CNTN1: variants seen among roughly 807,000 people sequenced by gnomAD.
CNTN1 encodes contactin-1.
CNTN1 carries 38 observed loss-of-function variants against 126.4 expected under a neutral mutation model. That is an observed-to-expected ratio of 0.30 (90% confidence interval 0.23 to 0.39). The LOEUF is 0.39. CNTN1 is among the 10% of genes least tolerant of loss of function. The pLI is 1.00. For synonymous variants in CNTN1, 413 were observed against 422.6 expected, an observed-to-expected ratio of 0.98 and a Z score of 0.28; for missense variants, 1,009 against 1,248.4, an observed-to-expected ratio of 0.81 and a Z score of 2.89.
At chr12:41,012,688 C>T (rs572008756) in intron 17 of CNTN1, among the ~76,000 whole-genome samples, 14 of 152,294 alleles carry the variant, frequency 9.2e-5, no homozygotes, top group Non-Finnish European at 1.8e-4. Flanking sequence ...GCCTGTCCCC[C>T]AAGTCTTATA....
intron 15 of CNTN1, among the ~76,000 whole-genome samples, chr12:40,965,958 C>CA (rs1947290353): frequency 6.6e-6 from 1 of 151,106 alleles, no homozygotes; most frequent in East Asian, 1.9e-4. Context: ...AATATACACA[C>CA]CAAGTTAAAC....
At chr12:40,757,045 G>A (rs1426612434) in intron 1 of CNTN1, among the ~76,000 whole-genome samples, 1 of 151,974 alleles carries the variant, frequency 6.6e-6, no homozygotes, top group Non-Finnish European at 1.5e-5. Context: ...AGACTGAGTG[G>A]CTTAAACAAT....
rs373160695 is a variant in CNTN1 at position 40,937,695 on chromosome 12, T to C, written c.1228+8T>C. 2.3e-5 allele frequency: 34 copies of C among 1,464,004 alleles called. 1 individual carries two copies. Among genetic ancestry groups the C allele is most frequent in the Non-Finnish European group, 3.1e-5 (32 of 1,043,604 alleles). 90.7% of individuals were successfully genotyped at this position (1,464,004 alleles called of 1,614,324 possible). ...CTGAGTTGAAGATCTTGGGTCAGTA[T>C]CATTTCTAATTTCTGTTAAACATTG... On this transcript the variant is annotated splice_region_variant and intron_variant, in intron 11 of 23. Transcript: ENST00000551295.
intron 1 of CNTN1, among the ~76,000 whole-genome samples, chr12:40,812,721 G>C (rs960453592): frequency 2.6e-5 from 4 of 151,912 alleles, no homozygotes; most frequent in African/African-American, 9.7e-5. Flanking sequence ...GTATATTTAG[G>C]GTTCCATTTG....
chr12:40,765,360 G>A lies in CNTN1; in HGVS notation c.-77+72768G>A, dbSNP rs564667529. ...GTGGAGATGTCAATCCAGGAGTACA[G>A]TATAAAAGTTTGGAGCTCAGTGAAA... On this transcript the variant is annotated intron_variant, in intron 1 of 23. Coordinates refer to ENST00000551295, the MANE Select transcript of CNTN1 (RefSeq NM_001843.4). 5.2e-4 allele frequency among the ~76,000 whole-genome samples: 79 copies of A among 152,248 alleles called. No homozygotes were observed. The South Asian group carries it at 8.9e-3, about 17-fold the overall frequency.
chr12:40,816,629 G>T (rs35216972), intron 1 of CNTN1, among the ~76,000 whole-genome samples: 4 of 150,446 alleles, frequency 2.7e-5, no homozygotes, highest in East Asian at 1.9e-4. Context: ...AGGGTTTTTC[G>T]TGTCTCTGTT....
At chr12:40,829,616 G>T (rs1270681323) in intron 1 of CNTN1, among the ~76,000 whole-genome samples, 1 of 152,048 alleles carries the variant, frequency 6.6e-6, no homozygotes. Flanking sequence ...TGGATTTCCT[G>T]TTGTCCAGGT....
intron 1 of CNTN1, among the ~76,000 whole-genome samples, chr12:40,814,347 T>C (rs1941188394): frequency 6.6e-6 from 1 of 152,252 alleles, no homozygotes; most frequent in Non-Finnish European, 1.5e-5. Flanking sequence ...ATTTGAGTCT[T>C]TAAGCCATCT....
chr12:41,064,285 A>G (rs1229490774), intron 23 of CNTN1, among the ~76,000 whole-genome samples: 1 of 152,162 alleles, frequency 6.6e-6, no homozygotes, highest in Non-Finnish European at 1.5e-5. Flanking sequence ...CCTGTAAAAC[A>G]TCAGCTGTTA....
In CNTN1 at chr12:41,024,263, C is replaced by T. The variant is rs73118905; in HGVS notation, c.2524-887C>T. ...TTGGTTAATTGTGAAATTACAATCC[C>T]GTTATTTTATAGACAGGGCATCTAA... On this transcript the variant is annotated intron_variant, in intron 20 of 23. Transcript: ENST00000551295. Among the ~76,000 whole-genome samples the T allele has an allele frequency of 2.6e-3, 396 of 152,090 alleles. 3 individuals are homozygous for T. The highest frequency in any genetic ancestry group is 4.3e-3 in the Non-Finnish European group (289 of 67,980).
chr12:40,962,007 T>G (rs2137015411), intron 15 of CNTN1, among the ~76,000 whole-genome samples: 1 of 152,204 alleles, frequency 6.6e-6, no homozygotes, highest in Non-Finnish European at 1.5e-5. Flanking sequence ...CTGCTGAAAT[T>G]AGTGGTGCAA....
chr12:40,884,756 T>C (rs1301602135), intron 1 of CNTN1, among the ~76,000 whole-genome samples: 1 of 151,716 alleles, frequency 6.6e-6, no homozygotes, highest in East Asian at 1.9e-4. Flanking sequence ...ATTAGTATTA[T>C]AATAGTCTTT....
chr12:40,795,853 T>C lies in CNTN1; in HGVS notation c.-77+103261T>C, dbSNP rs529300978. Among the ~76,000 whole-genome samples, 17 of 152,238 alleles carry C rather than the reference T, an allele frequency of 1.1e-4. No homozygotes were observed. The South Asian group carries it at 3.5e-3, about 32-fold the overall frequency. On this transcript the variant is annotated intron_variant, in intron 1 of 23. Transcript: ENST00000551295. Reference sequence around the variant, plus strand: ...TATCACTTGTGTGTGGTAGGCAATGTGCTAAGTGTTTTTTAAATTTTTTAC... The same window carrying C: ...TATCACTTGTGTGTGGTAGGCAATGCGCTAAGTGTTTTTTAAATTTTTTAC...
At chr12:40,911,360 G>A (rs1945026517) in intron 3 of CNTN1, among the ~76,000 whole-genome samples, 2 of 152,116 alleles carry the variant, frequency 1.3e-5, no homozygotes, top group East Asian at 1.9e-4. Context: ...GATTACAGGC[G>A]TGAGCCACCG....
chr12:40,997,014 C>T (rs1403882051), intron 17 of CNTN1, among the ~76,000 whole-genome samples: 1 of 152,212 alleles, frequency 6.6e-6, no homozygotes, highest in Middle Eastern at 3.2e-3. Context: ...TCCAATGCCA[C>T]ACATGCCCTT....
chr12:40,918,577 T>C (rs1239416696), intron 3 of CNTN1, 62 bp from the exon 4 acceptor site: 2 of 1,451,558 alleles, frequency 1.4e-6, no homozygotes, highest in Non-Finnish European at 1.9e-6. Flanking sequence ...TTTTTCAATG[T>C]TCTCAAATTT....
intron 1 of CNTN1, among the ~76,000 whole-genome samples, chr12:40,742,807 C>A (rs1266651458): frequency 6.6e-6 from 1 of 152,042 alleles, no homozygotes; most frequent in African/African-American, 2.4e-5. Flanking sequence ...CCTCCTCAAT[C>A]ATTAATCAAA....
At chr12:40,883,701 A>C (rs1181563407) in intron 1 of CNTN1, among the ~76,000 whole-genome samples, 2 of 151,608 alleles carry the variant, frequency 1.3e-5, no homozygotes, top group Non-Finnish European at 3.0e-5. Context: ...AAAAGCAAAA[A>C]AATAATCTAT....
intron 1 of CNTN1, among the ~76,000 whole-genome samples, chr12:40,712,542 A>C (rs893459241): frequency 1.3e-5 from 2 of 152,044 alleles, no homozygotes; most frequent in African/African-American, 2.4e-5. Flanking sequence ...GGATGTGGAG[A>C]GATCTGAGCA....
Sources: gnomAD v4.1 joint callset for allele counts (sites outside exome capture counted in the v4.1 genomes callset) on GRCh38, gnomAD v4.1.1 for gene constraint, MANE v1.5 for transcripts, NCBI Gene and HGNC (gene_info 2026-07-23, HGNC 2026-07-21) for gene names.